C8orf34: variants seen among roughly 807,000 people sequenced by gnomAD.
C8orf34 encodes chromosome 8 open reading frame 34, also known as uncharacterized protein C8orf34.
Under a neutral mutation model 68.3 loss-of-function variants are expected in C8orf34, and 65 were observed. That is an observed-to-expected ratio of 0.95 (90% confidence interval 0.78 to 1.17). The LOEUF (loss-of-function observed/expected upper bound fraction) is 1.17, where lower values mean the gene tolerates loss of function less well. C8orf34 is among the 50% of genes most tolerant of loss of function. The pLI is 0.00. For synonymous variants in C8orf34, 244 were observed against 241.2 expected, an observed-to-expected ratio of 1.01 and a Z score of -0.11; for missense variants, 664 against 655.4, an observed-to-expected ratio of 1.01 and a Z score of -0.14.
intron 1 of C8orf34, among the ~76,000 whole-genome samples, chr8:68,411,578 C>G (rs1055652674): frequency 6.6e-6 from 1 of 152,144 alleles, no homozygotes; most frequent in East Asian, 1.9e-4. Context: ...AATTTTGGTA[C>G]TAAGCAGATA....
chr8:68,815,977 T>A (rs754874753), intron 13 of C8orf34, 32 bp downstream of exon 13: 1 of 1,613,570 alleles, frequency 6.2e-7, no homozygotes, highest in South Asian at 1.1e-5. Context: ...AATATCGATG[T>A]CGGGTAATGG....
chr8:68,695,674 A>G (rs563155790), intron 8 of C8orf34: 5 of 152,074 alleles, frequency 3.3e-5, no homozygotes, highest in Admixed American at 6.6e-5. Context: ...AACATACCCA[A>G]TCTCATCTGA....
intron 1 of C8orf34, among the ~76,000 whole-genome samples, chr8:68,425,800 C>T (rs1157917966): frequency 6.7e-6 from 1 of 149,764 alleles, no homozygotes. Context: ...CTACAGAAAT[C>T]AAGACATAGT....
chr8:68,794,038 A>G (rs1045804210), intron 12 of C8orf34, among the ~76,000 whole-genome samples: 1 of 152,184 alleles, frequency 6.6e-6, no homozygotes, highest in Admixed American at 6.5e-5. Context: ...AACAAATGTT[A>G]TATTCATAAG....
At chr8:68,752,568 T>C (rs180740344) in intron 10 of C8orf34, among the ~76,000 whole-genome samples, 22 of 152,336 alleles carry the variant, frequency 1.4e-4, no homozygotes, top group Admixed American at 1.2e-3. Flanking sequence ...GTTAAACTTT[T>C]ACCATGTCCC....
At chr8:68,434,691 G>T (rs1810583582) in intron 1 of C8orf34, among the ~76,000 whole-genome samples, 1 of 152,182 alleles carries the variant, frequency 6.6e-6, no homozygotes, top group Non-Finnish European at 1.5e-5. Flanking sequence ...AGTGCAGGGA[G>T]TTGTCTCACT....
intron 7 of C8orf34, among the ~76,000 whole-genome samples, chr8:68,636,500 G>T (rs993734843): frequency 1.1e-4 from 16 of 151,972 alleles, no homozygotes; most frequent in South Asian, 2.1e-4. Context: ...CATGAGAATT[G>T]CTTGAACCTG....
intron 10 of C8orf34, among the ~76,000 whole-genome samples, chr8:68,772,401 C>G (rs1823367294): frequency 6.6e-6 from 1 of 152,106 alleles, no homozygotes; most frequent in African/African-American, 2.4e-5. Flanking sequence ...CTAGTCCTAC[C>G]TCACTCTCTA....
chr8:68,488,194 A>G (rs1813157218), intron 5 of C8orf34, 143 bp downstream of exon 5: 1 of 578,618 alleles, frequency 1.7e-6, no homozygotes, highest in East Asian at 3.2e-5. Flanking sequence ...TGAAAGTTAA[A>G]TGCATATTGT....
chr8:68,359,508 C>T (rs149172900), intron 1 of C8orf34, among the ~76,000 whole-genome samples: 1 of 152,212 alleles, frequency 6.6e-6, no homozygotes, highest in Non-Finnish European at 1.5e-5. Context: ...GAGACCAACC[C>T]AGAAGTGCTG....
intron 1 of C8orf34, among the ~76,000 whole-genome samples, chr8:68,372,613 T>C (rs1218211660): frequency 6.6e-6 from 1 of 152,184 alleles, no homozygotes; most frequent in Non-Finnish European, 1.5e-5. Context: ...TAACTTACTA[T>C]TATTATACTT....
At chr8:68,460,499 C>T (rs1811760291) in intron 3 of C8orf34, among the ~76,000 whole-genome samples, 1 of 152,182 alleles carries the variant, frequency 6.6e-6, no homozygotes, top group African/African-American at 2.4e-5. Context: ...TCAAGTGGGT[C>T]CCTGACCCCT....
At chr8:68,471,925 A>AACACACACACACAC (rs10596354) in intron 4 of C8orf34, among the ~76,000 whole-genome samples, 52 of 147,452 alleles carry the variant, frequency 3.5e-4, no homozygotes, top group African/African-American at 1.1e-3. Flanking sequence ...GACTTAAATG[A>AACACACACACACAC]ACACACACAC....
At chr8:68,613,348 T>C (rs1586450781) in intron 7 of C8orf34, among the ~76,000 whole-genome samples, 1 of 143,934 alleles carries the variant, frequency 6.9e-6, no homozygotes, top group Non-Finnish European at 1.5e-5. Context: ...AATGTGCAGG[T>C]TAGTTACATA....
At chr8:68,453,270 A>C (rs1811419646) in intron 3 of C8orf34, among the ~76,000 whole-genome samples, 1 of 151,916 alleles carries the variant, frequency 6.6e-6, no homozygotes, top group Non-Finnish European at 1.5e-5. Flanking sequence ...AGTGCCCTGA[A>C]GTTCTATATG....
At chr8:68,652,078 A>G (rs941630495) in intron 8 of C8orf34, among the ~76,000 whole-genome samples, 3 of 152,298 alleles carry the variant, frequency 2.0e-5, no homozygotes, top group Middle Eastern at 3.4e-3. Flanking sequence ...CAAGGAACCA[A>G]TAAGGTTGTT....
At chr8:68,760,730 G>T (rs997949046) in intron 10 of C8orf34, among the ~76,000 whole-genome samples, 1 of 152,050 alleles carries the variant, frequency 6.6e-6, no homozygotes. Flanking sequence ...TTTACACTGA[G>T]GTTTAATGTA....
chr8:68,619,343 C>T (rs546127341), intron 7 of C8orf34, among the ~76,000 whole-genome samples: 6 of 152,066 alleles, frequency 3.9e-5, no homozygotes, highest in East Asian at 1.9e-4. Context: ...AAAATAAATA[C>T]ATAAATAAAG....
chr8:68,630,140 A>T (rs1280148084), intron 7 of C8orf34, among the ~76,000 whole-genome samples: 1 of 152,098 alleles, frequency 6.6e-6, no homozygotes, highest in South Asian at 2.1e-4. Context: ...ATAAAATAGC[A>T]CTGTCCAATA....
Sources: allele counts gnomAD v4.1 joint callset (sites outside exome capture counted in the v4.1 genomes callset), GRCh38; gene constraint gnomAD v4.1.1; transcripts MANE v1.5; gene names NCBI Gene and HGNC (gene_info 2026-07-23, HGNC 2026-07-21).